Variants in MAML2 observed in about 807,000 individuals in gnomAD.
MAML2 encodes the protein mastermind-like protein 2.
Under a neutral mutation model 96.1 loss-of-function variants are expected in MAML2, and 22 were observed. The observed-to-expected ratio is 0.23, with a 90% CI of 0.16 to 0.33. The LOEUF (loss-of-function observed/expected upper bound fraction) is 0.33. Among genes scored for constraint, MAML2 ranks in the 10% least tolerant of loss-of-function variants. The pLI, the probability that MAML2 is intolerant of heterozygous loss-of-function variation, is 1.00. For synonymous variants in MAML2, 561 were observed against 521.3 expected (o/e 1.08, Z -1.04); for missense variants, 1,367 against 1,392.4 (o/e 0.98, Z 0.29).
At chr11:96,200,286 G>C (rs1248684515) in intron 1 of MAML2, among the ~76,000 whole-genome samples, 1 of 152,170 alleles carries the variant, frequency 6.6e-6, no homozygotes, top group African/African-American at 2.4e-5. Flanking sequence ...TTGGTCAGGA[G>C]AAGCCATGGC....
intron 2 of MAML2, among the ~76,000 whole-genome samples, chr11:96,077,426 G>A (rs1313009989): frequency 6.6e-6 from 1 of 151,800 alleles, no homozygotes; most frequent in African/African-American, 2.4e-5. Flanking sequence ...TCACTATGTT[G>A]GCCAGGCTGG....
At chr11:96,046,082 G>A (rs1405868222) in intron 2 of MAML2, among the ~76,000 whole-genome samples, 2 of 152,112 alleles carry the variant, frequency 1.3e-5, no homozygotes, top group Non-Finnish European at 2.9e-5. Flanking sequence ...AGCAGGCAGC[G>A]CTGCTTGGTA....
chr11:96,239,484 G>A (rs980330291), intron 1 of MAML2, among the ~76,000 whole-genome samples: 1 of 152,198 alleles, frequency 6.6e-6, no homozygotes, highest in African/African-American at 2.4e-5. Context: ...TTCAGAGTTT[G>A]AGTTGTCCTA....
intron 1 of MAML2, among the ~76,000 whole-genome samples, chr11:96,266,805 C>G: frequency 6.6e-6 from 1 of 152,094 alleles, no homozygotes; most frequent in African/African-American, 2.4e-5. Flanking sequence ...AGGTATGTTT[C>G]CAGGGACATG....
Position 96,307,387 on chromosome 11 carries a change from GTA to G in MAML2, c.513+33994_513+33995del, listed in dbSNP as rs1379031907. ...TACTGTAAAGGAAGAGTGAGAGGCT[GTA>G]TGAAAAGTATATTCCTTAAATATAT... On this transcript the variant is annotated intron_variant, in intron 1 of 4. Transcript: ENST00000524717. 3.3e-5 allele frequency among the ~76,000 whole-genome samples: 5 copies of G among 152,292 alleles called. No homozygotes were observed. In the East Asian group the frequency reaches 9.6e-4, roughly 29 times the overall value.
intron 1 of MAML2, among the ~76,000 whole-genome samples, chr11:96,222,378 G>C (rs895858740): frequency 1.3e-5 from 2 of 152,190 alleles, no homozygotes; most frequent in Admixed American, 6.5e-5. Context: ...AGACTCTAGT[G>C]CAGACACCTC....
At chr11:96,013,490 C>T (rs1354524503) in intron 2 of MAML2, among the ~76,000 whole-genome samples, 1 of 152,140 alleles carries the variant, frequency 6.6e-6, no homozygotes, top group Non-Finnish European at 1.5e-5. Context: ...AAAGGCAGGT[C>T]CCTGGCAAGG....
intron 1 of MAML2, among the ~76,000 whole-genome samples, chr11:96,306,595 C>T (rs1329780920): frequency 6.6e-6 from 1 of 152,158 alleles, no homozygotes; most frequent in African/African-American, 2.4e-5. Flanking sequence ...TGTATTTTGC[C>T]AATACTAGGG....
intron 1 of MAML2, among the ~76,000 whole-genome samples, chr11:96,170,410 C>T (rs564131564): frequency 7.2e-5 from 11 of 152,128 alleles, no homozygotes; most frequent in Non-Finnish European, 1.3e-4. Flanking sequence ...ATCATACCAG[C>T]GAAAAGCACA....
intron 2 of MAML2, among the ~76,000 whole-genome samples, chr11:96,057,474 C>T (rs571368917): frequency 2.6e-5 from 4 of 152,130 alleles, no homozygotes; most frequent in Admixed American, 2.0e-4. Context: ...CTCAGAGTGT[C>T]GAGTCCTAAT....
intron 1 of MAML2, among the ~76,000 whole-genome samples, chr11:96,268,321 A>C (rs7109385): frequency 0.36 from 54,814 of 151,718 alleles, 10,098 homozygotes; most frequent in East Asian, 0.56. Context: ...ACAAAAAATA[A>C]AATAAAAATT....
chr11:96,025,043 A>G (rs1858494646), intron 2 of MAML2, among the ~76,000 whole-genome samples: 1 of 152,220 alleles, frequency 6.6e-6, no homozygotes, highest in Non-Finnish European at 1.5e-5. Flanking sequence ...AAATCCCATT[A>G]CTGTGTATAT....
At chr11:96,156,428 G>C (rs566489433) in intron 1 of MAML2, among the ~76,000 whole-genome samples, 1 of 152,280 alleles carries the variant, frequency 6.6e-6, no homozygotes, top group East Asian at 1.9e-4. Flanking sequence ...CCCTCCTTGA[G>C]AGGGAGGCTA....
At chr11:95,997,963 C>T (rs1858018377) in intron 2 of MAML2, among the ~76,000 whole-genome samples, 1 of 152,074 alleles carries the variant, frequency 6.6e-6, no homozygotes, top group African/African-American at 2.4e-5. Context: ...ATGTTTCCAT[C>T]CTCATCTGTC....
At chr11:96,126,799 C>T (rs1179960993) in intron 1 of MAML2, among the ~76,000 whole-genome samples, 1 of 152,166 alleles carries the variant, frequency 6.6e-6, no homozygotes, top group East Asian at 1.9e-4. Flanking sequence ...TGTCATTGAG[C>T]AGTTCTCATG....
At chr11:96,311,445 A>C (rs189569132) in intron 1 of MAML2, among the ~76,000 whole-genome samples, 82 of 152,346 alleles carry the variant, frequency 5.4e-4, no homozygotes, top group Non-Finnish European at 1.1e-3. Context: ...ATCATTCCTG[A>C]AATATGAATG....
intron 1 of MAML2, among the ~76,000 whole-genome samples, chr11:96,306,648 T>C (rs983363138): frequency 1.3e-5 from 2 of 152,228 alleles, no homozygotes; most frequent in African/African-American, 4.8e-5. Context: ...CAGAGGAATG[T>C]CCTCAGTCTA....
At chr11:96,307,743 T>C (rs1285788274) in intron 1 of MAML2, among the ~76,000 whole-genome samples, 1 of 152,148 alleles carries the variant, frequency 6.6e-6, no homozygotes, top group Non-Finnish European at 1.5e-5. Context: ...TCTTTTCAGA[T>C]TCAAATAACA....
chr11:96,207,261 T>C (rs147414309), intron 1 of MAML2, among the ~76,000 whole-genome samples: 1 of 152,354 alleles, frequency 6.6e-6, no homozygotes, highest in East Asian at 1.9e-4. Flanking sequence ...TTTTAATTAT[T>C]CACTGGCCCA....
Sources: allele counts gnomAD v4.1 joint callset (sites outside exome capture counted in the v4.1 genomes callset), GRCh38; gene constraint gnomAD v4.1.1; transcripts MANE v1.5; gene names NCBI Gene and HGNC (gene_info 2026-07-23, HGNC 2026-07-21).